ADAMTS2: variants seen among roughly 807,000 people sequenced by gnomAD.
ADAMTS2 encodes ADAM metallopeptidase with thrombospondin type 1 motif 2.
Under a neutral mutation model 123.0 loss-of-function variants are expected in ADAMTS2, and 50 were observed. The observed-to-expected ratio is 0.41, with a 90% CI of 0.32 to 0.51. The LOEUF (loss-of-function observed/expected upper bound fraction) is 0.51, where lower values mean the gene tolerates loss of function less well. Ranked by LOEUF, ADAMTS2 falls within the 20% of genes least tolerant of loss-of-function variation. The pLI, the probability that ADAMTS2 is intolerant of heterozygous loss-of-function variation, is 0.35. For missense variants in ADAMTS2, 1,494 were observed against 1,705.2 expected, an observed-to-expected ratio of 0.88 and a Z score of 2.18; for synonymous variants, 678 against 695.4, an observed-to-expected ratio of 0.98 and a Z score of 0.39.
rs1310950702 is a variant in ADAMTS2, at chr5:179,138,079, C to A, written c.1776-135G>T. 1.6e-5 allele frequency: 16 copies of A among 978,244 alleles called. No individual in the cohort carries two copies. In the African/African-American group the frequency reaches 1.8e-4, roughly 11 times the overall value. The allele number at this position is 978,244 out of a possible 1,614,324, so 60.6% of individuals were successfully genotyped here. On this transcript the variant is annotated intron_variant, in intron 11 of 21. Transcript: ENST00000251582. ...GGGGCAGCTCTGCTGAGCAAAGGGA[C>A]CTTGCCCTGCCATGTCCTAGCTGTA...
At chr5:179,315,102 G>A (rs1756951003) in intron 2 of ADAMTS2, among the ~76,000 whole-genome samples, 1 of 144,082 alleles carries the variant, frequency 6.9e-6, no homozygotes, top group South Asian at 2.3e-4. Context: ...GCATGGAGCA[G>A]GCCTCACTCA....
chr5:179,311,414 A>G (rs1266840151), intron 2 of ADAMTS2, among the ~76,000 whole-genome samples: 1 of 152,234 alleles, frequency 6.6e-6, no homozygotes, highest in Non-Finnish European at 1.5e-5. Context: ...CAAGAATCAC[A>G]GGGACATCCA....
intron 2 of ADAMTS2, among the ~76,000 whole-genome samples, chr5:179,297,809 T>A (rs1756385428): frequency 6.6e-6 from 1 of 152,134 alleles, no homozygotes; most frequent in Admixed American, 6.5e-5. Flanking sequence ...CCCTGCTGCG[T>A]CTTCGGCCTC....
At chr5:179,147,747 A>C (rs1763278242) in intron 10 of ADAMTS2, among the ~76,000 whole-genome samples, 1 of 152,006 alleles carries the variant, frequency 6.6e-6, no homozygotes, top group African/African-American at 2.4e-5. Context: ...CCCTCAATCC[A>C]TTTTCTCTGT....
chr5:179,181,462 G>A lies in ADAMTS2; in HGVS notation c.892-307C>T, dbSNP rs71611480. ...CAGGGAAAGCAGCCCTACGCTTGCTGTAGCCTCCAGCTGAAACACAACCTT... is the reference window on the plus strand; with the variant it reads ...CAGGGAAAGCAGCCCTACGCTTGCTATAGCCTCCAGCTGAAACACAACCTT... On this transcript the variant is annotated intron_variant, in intron 4 of 21. Transcript: ENST00000251582. This position sits in a 1 kb window ranked among gnomAD's most constrained non-coding sequence, Gnocchi z 4.1. Among the ~76,000 whole-genome samples, 3,770 of 152,264 alleles carry A rather than the reference G, an allele frequency of 0.025. 37 individuals carry two copies. The highest frequency in any genetic ancestry group is 0.044 in the Middle Eastern group (13 of 294).
intron 3 of ADAMTS2, among the ~76,000 whole-genome samples, chr5:179,208,990 A>G (rs542672351): frequency 6.5e-4 from 99 of 152,098 alleles, no homozygotes; most frequent in African/African-American, 2.3e-3. Flanking sequence ...CCAGAACAAC[A>G]CTTTTCACCC....
Position 179,311,172 on chromosome 5 carries a change from C to T in ADAMTS2, c.534+32595G>A, listed in dbSNP as rs141732653. On this transcript the variant is annotated intron_variant, in intron 2 of 21. Transcript: ENST00000251582. ...GATGTTCACTCTGAGGCCGAGCCTC[C>T]CCCGCCCTCTGAACAGGAAGGCCAC... Among the ~76,000 whole-genome samples the T allele has an allele frequency of 3.1e-4, 47 of 152,230 alleles. No individual in the cohort carries two copies. In the East Asian group the frequency reaches 7.6e-3, roughly 24 times the overall value.
At chr5:179,138,797 G>A (rs1413112583) in intron 11 of ADAMTS2, among the ~76,000 whole-genome samples, 1 of 152,178 alleles carries the variant, frequency 6.6e-6, no homozygotes, top group Non-Finnish European at 1.5e-5. Flanking sequence ...GGTCCTCTCT[G>A]GCTCCGCAGG....
rs748892203 is a variant in ADAMTS2 at position 179,128,127 on chromosome 5, GC to G, written c.2458-10del. ...TCTCCCACCGGGATGACCTGTGCCAGCCCAAGAGCCTTGATGTGCCTGACCT... is the reference window on the plus strand; with the variant it reads ...TCTCCCACCGGGATGACCTGTGCCAGCCAAGAGCCTTGATGTGCCTGACCT... On this transcript the variant is annotated splice_polypyrimidine_tract_variant and intron_variant, in intron 16 of 21. Coordinates refer to ENST00000251582, the MANE Select transcript of ADAMTS2 (RefSeq NM_014244.5). This position sits in a 1 kb window ranked among gnomAD's most constrained non-coding sequence, Gnocchi z 4.9. 7 of 1,612,632 alleles carry G rather than the reference GC, an allele frequency of 4.3e-6. No individual in the cohort carries two copies. In the African/African-American group the frequency reaches 6.7e-5, roughly 15 times the overall value.
chr5:179,120,549 G>C (rs1424487610), intron 21 of ADAMTS2: 1 of 152,294 alleles, frequency 6.6e-6, no homozygotes, highest in Admixed American at 6.5e-5. Flanking sequence ...CCGCCCGGCA[G>C]GGGTGCGGTG....
intron 19 of ADAMTS2, among the ~76,000 whole-genome samples, chr5:179,124,728 G>T (rs920813292): frequency 1.3e-5 from 2 of 152,258 alleles, no homozygotes; most frequent in Non-Finnish European, 2.9e-5. Flanking sequence ...AGCTCAGTTT[G>T]GGAGCTGAGG....
In ADAMTS2 at chr5:179,114,023, G is replaced by C. The variant is rs34437036; in HGVS notation, c.3480C>G (p.Ala1160=). 1 of 1,614,002 alleles carries C rather than the reference G, an allele frequency of 6.2e-7. No homozygotes were observed. Among genetic ancestry groups the C allele is most frequent in the Admixed American group, 1.7e-5 (1 of 59,992 alleles). The change falls in exon 22 of 22, where the codon GCC becomes GCG. Residue 1160 remains alanine, a synonymous_variant. Transcript: ENST00000251582. ...NATEDHPETN[A]VDEPYKIHGL... is the part of the protein sequence containing the mutation. Reference sequence around the variant, plus strand: ...CATGGATTTTGTAGGGTTCATCTACGGCATTGGTTTCTGGGTGATCCTCTG... The same window carrying C: ...CATGGATTTTGTAGGGTTCATCTACCGCATTGGTTTCTGGGTGATCCTCTG...
intron 5 of ADAMTS2, among the ~76,000 whole-genome samples, chr5:179,172,696 G>A (rs1443982859): frequency 6.6e-6 from 1 of 152,222 alleles, no homozygotes; most frequent in African/African-American, 2.4e-5. Flanking sequence ...CGTGCCAAGG[G>A]AAAGCATGAA....
At chr5:179,168,855 C>T (rs536010647) in intron 5 of ADAMTS2, among the ~76,000 whole-genome samples, 2 of 152,304 alleles carry the variant, frequency 1.3e-5, no homozygotes, top group South Asian at 2.1e-4. Context: ...AATCTCATCA[C>T]GACAGAGAAC....
intron 2 of ADAMTS2, among the ~76,000 whole-genome samples, chr5:179,281,497 C>T (rs1215527324): frequency 1.3e-5 from 2 of 152,236 alleles, no homozygotes; most frequent in Non-Finnish European, 2.9e-5. Flanking sequence ...AAGGTTCATC[C>T]ATGGTGTAGC....
intron 3 of ADAMTS2, among the ~76,000 whole-genome samples, chr5:179,209,582 GTA>G (rs1179492398): frequency 8.3e-6 from 1 of 120,262 alleles, no homozygotes; most frequent in East Asian, 2.0e-4. Flanking sequence ...GCACACACAT[GTA>G]CACACACAGG....
At chr5:179,145,334 C>T (rs1418224738) in intron 10 of ADAMTS2, among the ~76,000 whole-genome samples, 1 of 152,168 alleles carries the variant, frequency 6.6e-6, no homozygotes, top group Non-Finnish European at 1.5e-5. Flanking sequence ...AAATGTCAAA[C>T]ATGGAGTTAC....
chr5:179,221,847 C>T (rs1765134546), intron 3 of ADAMTS2, among the ~76,000 whole-genome samples: 1 of 152,168 alleles, frequency 6.6e-6, no homozygotes, highest in Non-Finnish European at 1.5e-5. Context: ...CTGCTGGGCC[C>T]CCAAACCACA....
At chr5:179,258,601 T>G (rs989354711) in intron 3 of ADAMTS2, among the ~76,000 whole-genome samples, 2 of 152,188 alleles carry the variant, frequency 1.3e-5, no homozygotes, top group Non-Finnish European at 2.9e-5. Flanking sequence ...TGGGCAGCAT[T>G]GCTCGCAGCT....
Sources: allele counts gnomAD v4.1 joint callset (sites outside exome capture counted in the v4.1 genomes callset), GRCh38; gene constraint gnomAD v4.1.1; non-coding constraint Gnocchi (gnomAD v3.1); transcripts MANE v1.5; gene names NCBI Gene and HGNC (gene_info 2026-07-23, HGNC 2026-07-21).